DCLK1: variants seen among roughly 807,000 people sequenced by gnomAD.
DCLK1 encodes serine/threonine-protein kinase DCLK1.
Under a neutral mutation model 86.2 loss-of-function variants are expected in DCLK1, and 16 were observed. The ratio of observed to expected loss-of-function variants is 0.19; its 90% CI spans 0.13 to 0.28. DCLK1 has a LOEUF of 0.28. Among genes scored for constraint, DCLK1 ranks in the 10% least tolerant of loss-of-function variants. DCLK1 has a pLI of 1.00. For synonymous variants in DCLK1, 369 were observed against 370.5 expected, an observed-to-expected ratio of 1.00 and a Z score of 0.05; for missense variants, 590 against 940.2, an observed-to-expected ratio of 0.63 and a Z score of 4.87.
intron 3 of DCLK1, among the ~76,000 whole-genome samples, chr13:36,095,413 T>G (rs1486228163): frequency 6.6e-6 from 1 of 151,836 alleles, no homozygotes; most frequent in Non-Finnish European, 1.5e-5. Flanking sequence ...ACTGTGGTGG[T>G]CAGGCTGGTC....
In DCLK1 at chr13:35,810,445, G is replaced by A. The variant is rs2087118908; in HGVS notation, c.1688+390C>T. ...AAATGGGACCTGGACTGGAGGATAA[G>A]GGCAGCAGAGAGAAATAACTGCAGG... is the stretch of plus-strand genomic sequence containing the variant. On this transcript the variant is annotated intron_variant, in intron 12 of 16. Transcript: ENST00000360631. Among the ~76,000 whole-genome samples, 3 of 152,326 alleles carry A rather than the reference G, an allele frequency of 2.0e-5. No homozygotes were observed. The South Asian group carries it at 6.2e-4, about 32-fold the overall frequency.
At chr13:35,919,242 C>T (rs1875635303) in intron 4 of DCLK1, among the ~76,000 whole-genome samples, 1 of 151,990 alleles carries the variant, frequency 6.6e-6, no homozygotes, top group Non-Finnish European at 1.5e-5. Flanking sequence ...TTTAAAAGTG[C>T]ATTTTTTTTT....
In DCLK1 at chr13:36,036,471, C is replaced by A. The variant is rs77709290; in HGVS notation, c.723+75398G>T. Among the ~76,000 whole-genome samples, 30 of 152,294 alleles carry A rather than the reference C, an allele frequency of 2.0e-4. No homozygotes were observed. In the East Asian group the frequency reaches 5.8e-3, roughly 29 times the overall value. On this transcript the variant is annotated intron_variant, in intron 3 of 16. Transcript: ENST00000360631. ...CCTGTGTCAGTGTGGTATGTTTTTTCTTGGACTCCTTGAACGGCAAGTCGA... is the reference window on the plus strand; with the variant it reads ...CCTGTGTCAGTGTGGTATGTTTTTTATTGGACTCCTTGAACGGCAAGTCGA...
intron 3 of DCLK1, among the ~76,000 whole-genome samples, chr13:36,068,026 C>G (rs76734765): frequency 0.023 from 3,507 of 152,192 alleles, 42 homozygotes; most frequent in South Asian, 0.059. Context: ...TTTTCAAGTA[C>G]AGAAAGAAAA....
At chr13:35,916,294 T>G (rs1335123535) in intron 4 of DCLK1, among the ~76,000 whole-genome samples, 1 of 152,228 alleles carries the variant, frequency 6.6e-6, no homozygotes, top group Non-Finnish European at 1.5e-5. Context: ...GAAAGGGATC[T>G]GGTGACCAGT....
intron 3 of DCLK1, among the ~76,000 whole-genome samples, chr13:36,003,349 C>T (rs1880804955): frequency 6.6e-6 from 1 of 152,112 alleles, no homozygotes; most frequent in Non-Finnish European, 1.5e-5. Flanking sequence ...ATTTGCTATC[C>T]TTCATATTAT....
At position 35,860,166 on chromosome 13, in the gene DCLK1, G is replaced by A. The variant is rs772461290; in HGVS notation, c.941-5573C>T. Among the ~76,000 whole-genome samples, 11 of 152,164 alleles carry A rather than the reference G, an allele frequency of 7.2e-5. No homozygotes were observed. In the East Asian group the frequency reaches 7.7e-4, roughly 11 times the overall value. ...GTGTGTCCTTGGGTTTGGGGGTGGCGATTCAGGCACGCTGCCAGGGAGATC... is the reference window on the plus strand; with the variant it reads ...GTGTGTCCTTGGGTTTGGGGGTGGCAATTCAGGCACGCTGCCAGGGAGATC... On this transcript the variant is annotated intron_variant, in intron 5 of 16. Transcript: ENST00000360631.
intron 16 of DCLK1, among the ~76,000 whole-genome samples, chr13:35,782,083 C>T (rs978252313): frequency 6.6e-6 from 1 of 152,112 alleles, no homozygotes; most frequent in Non-Finnish European, 1.5e-5. Context: ...AACTGAGTAG[C>T]CTTCCAAGCT....
chr13:36,104,240 C>T (rs1885317092), intron 3 of DCLK1, among the ~76,000 whole-genome samples: 1 of 152,136 alleles, frequency 6.6e-6, no homozygotes, highest in African/African-American at 2.4e-5. Flanking sequence ...ATACTGGAGC[C>T]ATATGCTAAT....
intron 3 of DCLK1, among the ~76,000 whole-genome samples, chr13:35,978,188 T>C (rs976791481): frequency 2.0e-5 from 3 of 149,008 alleles, no homozygotes; most frequent in East Asian, 2.0e-4. Flanking sequence ...TCCAGTTTTT[T>C]TTTTCTTTTC....
intron 4 of DCLK1, among the ~76,000 whole-genome samples, chr13:35,930,824 T>C (rs1319501020): frequency 6.6e-6 from 1 of 152,132 alleles, no homozygotes; most frequent in Non-Finnish European, 1.5e-5. Context: ...ATAACCTAAA[T>C]AAGGATACTG....
At chr13:35,871,121 C>G in intron 5 of DCLK1, 103 bp downstream of exon 5, 1 of 914,336 alleles carries the variant, frequency 1.1e-6, no homozygotes, top group Non-Finnish European at 1.7e-6. Context: ...TAAACCGGAA[C>G]CTACACTCGC....
At chr13:35,816,615 T>G (rs2087272318) in intron 11 of DCLK1, among the ~76,000 whole-genome samples, 1 of 152,096 alleles carries the variant, frequency 6.6e-6, no homozygotes, top group Non-Finnish European at 1.5e-5. Context: ...ATGAGAAAAT[T>G]GAGATTCGAA....
intron 3 of DCLK1, among the ~76,000 whole-genome samples, chr13:36,102,213 G>T: frequency 6.9e-6 from 1 of 144,950 alleles, no homozygotes; most frequent in South Asian, 2.2e-4. Context: ...TTTTAAGCTA[G>T]TGCTTACCTT....
intron 3 of DCLK1, among the ~76,000 whole-genome samples, chr13:36,033,816 T>C (rs1336397370): frequency 2.6e-5 from 4 of 152,082 alleles, no homozygotes; most frequent in Admixed American, 2.6e-4. Flanking sequence ...TCCCAGCTAC[T>C]AGGGAGGCTG....
At chr13:36,068,511 A>C (rs1308345654) in intron 3 of DCLK1, among the ~76,000 whole-genome samples, 1 of 152,206 alleles carries the variant, frequency 6.6e-6, no homozygotes, top group Non-Finnish European at 1.5e-5. Context: ...CCTTAGATTT[A>C]ACAAATTCTA....
At chr13:35,790,238 C>T (rs1409791877) in intron 16 of DCLK1, among the ~76,000 whole-genome samples, 1 of 152,172 alleles carries the variant, frequency 6.6e-6, no homozygotes, top group East Asian at 1.9e-4. Context: ...TGTTAAACTA[C>T]TCTCATATCA....
chr13:35,909,999 G>A (rs375076432), intron 4 of DCLK1, among the ~76,000 whole-genome samples: 16 of 152,152 alleles, frequency 1.1e-4, no homozygotes, highest in Middle Eastern at 3.4e-3. Flanking sequence ...AAAGACACCC[G>A]CATCCATCCG....
At chr13:36,021,423 G>A (rs1311441916) in intron 3 of DCLK1, among the ~76,000 whole-genome samples, 1 of 151,632 alleles carries the variant, frequency 6.6e-6, no homozygotes, top group Non-Finnish European at 1.5e-5. Context: ...ATTAATTAAT[G>A]GGCTAAGCAC....
Sources: gnomAD v4.1 joint callset for allele counts (sites outside exome capture counted in the v4.1 genomes callset) on GRCh38, gnomAD v4.1.1 for gene constraint, MANE v1.5 for transcripts, NCBI Gene and HGNC (gene_info 2026-07-23, HGNC 2026-07-21) for gene names.